The following TENM2 variants were observed in gnomAD, a reference collection of about 807,000 sequenced individuals.
The protein encoded by TENM2 is teneurin transmembrane protein 2.
A neutral mutation model predicts 245.2 loss-of-function variants in TENM2; 52 were observed. The observed-to-expected ratio is 0.21, with a 90% CI of 0.17 to 0.27. The LOEUF (loss-of-function observed/expected upper bound fraction) is 0.27. Among genes scored for constraint, TENM2 ranks in the 10% least tolerant of loss-of-function variants. TENM2 has a pLI of 1.00. For synonymous variants in TENM2, 1,363 were observed against 1,438.9 expected (o/e 0.95, Z 1.19); for missense variants, 3,046 against 3,666.8 (o/e 0.83, Z 4.37).
intron 3 of TENM2, among the ~76,000 whole-genome samples, chr5:167,878,053 C>T (rs2151391752): frequency 6.6e-6 from 1 of 152,216 alleles, no homozygotes; most frequent in Admixed American, 6.5e-5. Context: ...TATATGGATA[C>T]CCAGGCAATG....
intron 2 of TENM2, among the ~76,000 whole-genome samples, chr5:167,803,999 C>T (rs914413496): frequency 1.3e-5 from 2 of 151,900 alleles, no homozygotes; most frequent in African/African-American, 2.4e-5. Flanking sequence ...ACTTTTTGAG[C>T]GCCAGCATGA....
chr5:167,857,814 A>G (rs1034518846), intron 2 of TENM2, among the ~76,000 whole-genome samples: 4 of 152,152 alleles, frequency 2.6e-5, no homozygotes, highest in Non-Finnish European at 5.9e-5. Flanking sequence ...CTTCATCCTT[A>G]TTTGAATTTT....
intron 27 of TENM2, among the ~76,000 whole-genome samples, chr5:168,253,583 G>A (rs960382400): frequency 3.6e-4 from 55 of 151,914 alleles, no homozygotes; most frequent in Non-Finnish European, 7.1e-4. Context: ...CCGCCACCAC[G>A]CCCGGCTAAT....
chr5:167,936,633 T>C (rs1011208577), intron 3 of TENM2, among the ~76,000 whole-genome samples: 2 of 152,214 alleles, frequency 1.3e-5, no homozygotes, highest in African/African-American at 4.8e-5. Context: ...TGTTTAATTT[T>C]ATTGTGGTAT....
intron 27 of TENM2, among the ~76,000 whole-genome samples, chr5:168,259,303 C>T (rs982572173): frequency 8.1e-5 from 12 of 148,768 alleles, no homozygotes; most frequent in African/African-American, 3.0e-4. Flanking sequence ...AGTAGGAAGG[C>T]TGGGCCGGGC....
chr5:168,202,562 C>G (rs1762021952), intron 17 of TENM2, among the ~76,000 whole-genome samples: 1 of 150,306 alleles, frequency 6.7e-6, no homozygotes, highest in Non-Finnish European at 1.5e-5. Flanking sequence ...CTTGCTCCAG[C>G]CATTTCTTCC....
intron 27 of TENM2, among the ~76,000 whole-genome samples, chr5:168,252,029 A>G (rs1452246561): frequency 3.3e-5 from 5 of 152,234 alleles, no homozygotes; most frequent in African/African-American, 7.2e-5. Context: ...TTTTTAAGGT[A>G]ATATATGGAT....
Position 168,067,933 on chromosome 5 carries a change from G to C in TENM2, c.1515+5668G>C, listed in dbSNP as rs141193272. Among the ~76,000 whole-genome samples, 6 of 152,274 alleles carry C rather than the reference G, an allele frequency of 3.9e-5. No individual in the cohort carries two copies. In the East Asian group the frequency reaches 1.2e-3, roughly 29 times the overall value. ...TTTGGAGGAAGCCAGATCTTTACAG[G>C]CATGTTTTTCAGAACCTTCCTTTCC... On this transcript the variant is annotated intron_variant, in intron 7 of 28. Coordinates refer to ENST00000518659, the Ensembl canonical transcript of TENM2.
intron 12 of TENM2, among the ~76,000 whole-genome samples, chr5:168,130,804 G>A (rs543880647): frequency 2.2e-4 from 34 of 152,170 alleles, no homozygotes; most frequent in African/African-American, 8.2e-4. Flanking sequence ...TGGGAGAATC[G>A]CTTGAGCCCA....
chr5:167,113,332 C>T, the TENM2 span, among the ~76,000 whole-genome samples: 17 of 151,922 alleles, frequency 1.1e-4, no homozygotes, highest in Admixed American at 6.6e-4. Flanking sequence ...AAGGCTTAGG[C>T]GATTCATGCT....
At chr5:167,397,871 G>C (rs1762147007) in intron 2 of TENM2, among the ~76,000 whole-genome samples, 1 of 152,116 alleles carries the variant, frequency 6.6e-6, no homozygotes, top group Non-Finnish European at 1.5e-5. Flanking sequence ...GGGCTTTACA[G>C]CTTTAAAAAT....
chr5:167,250,343 A>G, the TENM2 span, among the ~76,000 whole-genome samples: 1 of 152,134 alleles, frequency 6.6e-6, no homozygotes, highest in Non-Finnish European at 1.5e-5. Context: ...AAAAAACAGA[A>G]AAGCTTTAGT....
At chr5:167,432,762 G>T (rs745673809) in intron 2 of TENM2, among the ~76,000 whole-genome samples, 5 of 151,626 alleles carry the variant, frequency 3.3e-5, no homozygotes, top group African/African-American at 1.2e-4. Context: ...CATTTCCACC[G>T]CACATCTGAG....
At chr5:167,213,314 A>C in the TENM2 span, among the ~76,000 whole-genome samples, 1 of 152,214 alleles carries the variant, frequency 6.6e-6, no homozygotes, top group Non-Finnish European at 1.5e-5. Flanking sequence ...TTTTCCTTGC[A>C]GAGTTGGAGG....
intron 3 of TENM2, among the ~76,000 whole-genome samples, chr5:167,942,122 C>T (rs911833453): frequency 2.7e-5 from 4 of 150,938 alleles, no homozygotes; most frequent in South Asian, 4.2e-4. Context: ...GCAGGAGAAT[C>T]GCATGAACCT....
At chr5:167,653,111 G>C (rs991808263) in intron 2 of TENM2, 1 of 151,840 alleles carries the variant, frequency 6.6e-6, no homozygotes, top group African/African-American at 2.4e-5. Flanking sequence ...CAATACAAAC[G>C]TGAAACTTCG....
intron 2 of TENM2, among the ~76,000 whole-genome samples, chr5:167,639,643 A>T (rs1779429153): frequency 6.6e-6 from 1 of 152,128 alleles, no homozygotes; most frequent in Non-Finnish European, 1.5e-5. Context: ...GTCCACTCAG[A>T]TATCACTTCA....
At chr5:168,225,176 G>A (rs1292085088) in intron 23 of TENM2, among the ~76,000 whole-genome samples, 1 of 152,134 alleles carries the variant, frequency 6.6e-6, no homozygotes, top group East Asian at 1.9e-4. Context: ...AGCCATGGCG[G>A]TTTAGTGGGG....
chr5:167,482,472 A>G (rs1231922741), intron 2 of TENM2, among the ~76,000 whole-genome samples: 1 of 152,128 alleles, frequency 6.6e-6, no homozygotes, highest in Non-Finnish European at 1.5e-5. Flanking sequence ...TATGCTGACT[A>G]ATTTATTTGC....
Sources: gnomAD v4.1 joint callset for allele counts (sites outside exome capture counted in the v4.1 genomes callset) on GRCh38, gnomAD v4.1.1 for gene constraint, MANE v1.5 for transcripts, NCBI Gene and HGNC (gene_info 2026-07-23, HGNC 2026-07-21) for gene names.